Variants in KSR1 observed in about 807,000 individuals in gnomAD.
The protein encoded by KSR1 is kinase suppressor of ras.
A neutral mutation model predicts 92.9 loss-of-function variants in KSR1; 35 were observed. The observed-to-expected ratio is 0.38, with a 90% confidence interval of 0.29 to 0.50. KSR1 has a LOEUF of 0.50. KSR1 is among the 20% of genes least tolerant of loss of function. KSR1 has a pLI of 0.94. For synonymous variants in KSR1, 467 were observed against 472.6 expected (o/e 0.99, Z 0.15); for missense variants, 972 against 1,158.5 (o/e 0.84, Z 2.34).
At chr17:27,589,702 G>T (rs1282977872) in intron 6 of KSR1, among the ~76,000 whole-genome samples, 1 of 152,158 alleles carries the variant, frequency 6.6e-6, no homozygotes, top group Non-Finnish European at 1.5e-5. Context: ...CTGTGGACCA[G>T]CCTTGCACTT....
At chr17:27,498,106 G>A (rs1318451055) in intron 1 of KSR1, among the ~76,000 whole-genome samples, 1 of 152,028 alleles carries the variant, frequency 6.6e-6, no homozygotes, top group Non-Finnish European at 1.5e-5. Flanking sequence ...GAGGCAGATG[G>A]ATCACTTGAG....
chr17:27,486,722 G>C (rs1157742691), intron 1 of KSR1, among the ~76,000 whole-genome samples: 1 of 152,174 alleles, frequency 6.6e-6, no homozygotes, highest in Non-Finnish European at 1.5e-5. Context: ...GACTGCAGTG[G>C]GGGAGGGAGC....
At chr17:27,510,668 C>T (rs569859804) in intron 1 of KSR1, among the ~76,000 whole-genome samples, 14 of 152,284 alleles carry the variant, frequency 9.2e-5, no homozygotes, top group South Asian at 6.2e-4. Context: ...GCTGCACTGC[C>T]GTCCGTTCAG....
Position 27,526,090 on chromosome 17 carries a change from T to C in KSR1, c.232-24478T>C, listed in dbSNP as rs373964992. Among the ~76,000 whole-genome samples the C allele has an allele frequency of 8.4e-3, 531 of 62,986 alleles. 11 individuals are homozygous for C. The highest frequency in any genetic ancestry group is 0.013 in the Non-Finnish European group (402 of 31,164). 41.3% of individuals were successfully genotyped at this position (62,986 alleles called of 152,430 possible). ...TCTTTCTCTTTCTTTCTTTCTTTCTTTCTTTCTCTCTCTCTCTCTCTCTCT... is the reference window on the plus strand; with the variant it reads ...TCTTTCTCTTTCTTTCTTTCTTTCTCTCTTTCTCTCTCTCTCTCTCTCTCT... On this transcript the variant is annotated intron_variant, in intron 1 of 20. Transcript: ENST00000644974.
At chr17:27,497,893 C>T (rs953104056) in intron 1 of KSR1, among the ~76,000 whole-genome samples, 2 of 152,058 alleles carry the variant, frequency 1.3e-5, no homozygotes, top group Non-Finnish European at 2.9e-5. Context: ...AGAGTCAGTG[C>T]GTGCACAGCA....
intron 1 of KSR1, among the ~76,000 whole-genome samples, chr17:27,504,106 G>A (rs918616479): frequency 6.6e-6 from 1 of 152,186 alleles, no homozygotes; most frequent in Admixed American, 6.5e-5. Flanking sequence ...GGCCCCGTGG[G>A]AAGTATAGAG....
At chr17:27,558,451 C>T (rs1332143029) in intron 2 of KSR1, among the ~76,000 whole-genome samples, 3 of 152,132 alleles carry the variant, frequency 2.0e-5, no homozygotes, top group African/African-American at 7.2e-5. Flanking sequence ...GGGATACCCA[C>T]CTGCTCACAT....
chr17:27,565,934 T>A (rs1209236313), intron 2 of KSR1, among the ~76,000 whole-genome samples: 1 of 151,326 alleles, frequency 6.6e-6, no homozygotes, highest in African/African-American at 2.4e-5. Context: ...CCTCTAGGAG[T>A]TTTGACAGCT....
In KSR1 at chr17:27,494,843, C is replaced by A. The variant is rs1048040086; in HGVS notation, c.231+37969C>A. Among the ~76,000 whole-genome samples, 3 of 152,332 alleles carry A rather than the reference C, an allele frequency of 2.0e-5. No individual in the cohort carries two copies. In the East Asian group the frequency reaches 5.8e-4, roughly 29 times the overall value. Reference sequence around the variant, plus strand: ...AGTTCTCCAGGAAGCAAATTTTGGACCCTGGCCGCTGACTCAGTGTGGCCT... The same window carrying A: ...AGTTCTCCAGGAAGCAAATTTTGGAACCTGGCCGCTGACTCAGTGTGGCCT... On this transcript the variant is annotated intron_variant, in intron 1 of 20. Transcript: ENST00000644974.
At chr17:27,619,501 G>A (rs1422238376) in intron 19 of KSR1, among the ~76,000 whole-genome samples, 1 of 150,936 alleles carries the variant, frequency 6.6e-6, no homozygotes, top group Non-Finnish European at 1.5e-5. Flanking sequence ...GGGTTCAAGC[G>A]ATTCTCCTGC....
chr17:27,501,304 T>G (rs925365926), intron 1 of KSR1, among the ~76,000 whole-genome samples: 1 of 138,214 alleles, frequency 7.2e-6, no homozygotes, highest in African/African-American at 2.7e-5. Flanking sequence ...TTTTTTTTTT[T>G]TTTTTTTTTT....
intron 6 of KSR1, 26 bp from the exon 7 acceptor site, chr17:27,590,785 C>T (rs761731999): frequency 2.9e-5 from 47 of 1,598,150 alleles, no homozygotes; most frequent in Non-Finnish European, 3.8e-5. Flanking sequence ...CTGGTGCAAA[C>T]ATGTGCCTGT....
chr17:27,610,068 C>A lies in KSR1; in HGVS notation c.2227C>A (p.Arg743Ser), dbSNP rs750142365. ...TTGTCCCGGCTTCCTGGTCTCCAGG[C>A]GTGAGAACCAGCTAAAGCTGTCCCA... is the stretch of plus-strand genomic sequence containing the variant. Reference protein sequence around the residue: ...GISGVVREGRRENQLKLSHDW... With the variant: ...GISGVVREGRSENQLKLSHDW... The change falls in exon 17 of 21, where the codon CGT becomes AGT. Residue 743 changes from arginine (R) to serine (S), a missense_variant and splice_region_variant. Physicochemically the swap from Arg to Ser is moderately radical, Grantham distance 110. Coordinates refer to ENST00000644974, the MANE Select transcript of KSR1 (RefSeq NM_001394583.1). 1.9e-6 allele frequency: 3 copies of A among 1,613,808 alleles called. No homozygotes were observed. Among genetic ancestry groups the A allele is most frequent in the Non-Finnish European group, 2.5e-6 (3 of 1,179,742 alleles).
rs558592214 is a variant in KSR1, at chr17:27,585,182, C to G, written c.981-475C>G. On this transcript the variant is annotated intron_variant, in intron 4 of 20. Transcript: ENST00000644974. ...GAATTCCTGACCTAGGTGATCCACT[C>G]GTGTCAGCCTCTCAAAGTTCTGGGA... 7.2e-5 allele frequency among the ~76,000 whole-genome samples: 11 copies of G among 152,284 alleles called. No individual in the cohort carries two copies. The South Asian group carries it at 2.3e-3, about 32-fold the overall frequency.
chr17:27,518,615 G>A lies in KSR1; in HGVS notation c.232-31953G>A, dbSNP rs974743846. On this transcript the variant is annotated intron_variant, in intron 1 of 20. Transcript: ENST00000644974. ...TTGCCAGGCTCTTGCAATCTGGGTC[G>A]GTGGACATCTATGTTGATAATTGAT... is the stretch of plus-strand genomic sequence containing the variant. Among the ~76,000 whole-genome samples, 24 of 152,152 alleles carry A rather than the reference G, an allele frequency of 1.6e-4. 1 individual carries two copies. The highest frequency in any genetic ancestry group is 5.1e-4 in the African/African-American group (21 of 41,440).
At chr17:27,540,721 G>T (rs1457706362) in intron 1 of KSR1, among the ~76,000 whole-genome samples, 1 of 152,246 alleles carries the variant, frequency 6.6e-6, no homozygotes, top group Non-Finnish European at 1.5e-5. Flanking sequence ...GTCAGCCCCC[G>T]TGGGCGCCCT....
In KSR1 at chr17:27,577,388, A is replaced by G. The variant is rs1166287152; in HGVS notation, c.373-104A>G. The G allele has an allele frequency of 2.9e-6, 2 of 689,468 alleles. No individual in the cohort carries two copies. The highest frequency in any genetic ancestry group is 4.9e-6 in the Non-Finnish European group (2 of 411,304). The allele number at this position is 689,468 out of a possible 1,614,324, so 42.7% of individuals were successfully genotyped here. A position where few individuals can be genotyped will look rare whatever the true frequency, so the allele number is the denominator to read the frequency against. On this transcript the variant is annotated intron_variant, in intron 2 of 20. Coordinates refer to ENST00000644974, the MANE Select transcript of KSR1 (RefSeq NM_001394583.1). The surrounding 1 kb of genome is among the most constrained non-coding windows in gnomAD (Gnocchi z 4.5). Reference sequence around the variant, plus strand: ...GCTCTGGTCAGAGGCCGGCCCAGCCAGCAGCTGGCCCCTGCCACTCAGCAG... The same window carrying G: ...GCTCTGGTCAGAGGCCGGCCCAGCCGGCAGCTGGCCCCTGCCACTCAGCAG...
chr17:27,539,503 C>G (rs1329338757), intron 1 of KSR1, among the ~76,000 whole-genome samples: 1 of 152,196 alleles, frequency 6.6e-6, no homozygotes, highest in Admixed American at 6.5e-5. Context: ...ATCTGTTCCC[C>G]CAACTTGTGT....
chr17:27,479,345 C>G (rs11651276), intron 1 of KSR1, among the ~76,000 whole-genome samples: 74,369 of 152,056 alleles, frequency 0.49, 19,416 homozygotes, highest in East Asian at 0.69. Flanking sequence ...TCCTGGAGTG[C>G]CAGACCCACT....
Sources: allele counts gnomAD v4.1 joint callset (sites outside exome capture counted in the v4.1 genomes callset), GRCh38; gene constraint gnomAD v4.1.1; non-coding constraint Gnocchi (gnomAD v3.1); transcripts MANE v1.5; gene names NCBI Gene and HGNC (gene_info 2026-07-23, HGNC 2026-07-21).